The following SPG11 variants were observed in gnomAD, a reference collection of about 807,000 sequenced individuals.
SPG11 encodes the protein SPG11 vesicle trafficking associated, spatacsin.
A neutral mutation model predicts 274.0 loss-of-function variants in SPG11; 222 were observed. That is an observed-to-expected ratio of 0.81 (90% CI 0.73 to 0.91). The LOEUF is 0.91. SPG11 is among the 40% of genes least tolerant of loss of function. The pLI, the probability that SPG11 is intolerant of heterozygous loss-of-function variation, is 0.00. For missense variants in SPG11, 3,114 were observed against 2,872.7 expected, an observed-to-expected ratio of 1.08 and a Z score of -1.92; for synonymous variants, 1,144 against 1,039.7, an observed-to-expected ratio of 1.10 and a Z score of -1.93.
intron 4 of SPG11, among the ~76,000 whole-genome samples, chr15:44,656,189 G>T: frequency 6.6e-6 from 1 of 152,148 alleles, no homozygotes; most frequent in East Asian, 1.9e-4. Context: ...TGTAAAGAAT[G>T]GGCTCATGAA....
intron 7 of SPG11, among the ~76,000 whole-genome samples, chr15:44,642,273 G>T (rs2084472644): frequency 6.7e-6 from 1 of 149,722 alleles, no homozygotes; most frequent in Admixed American, 6.7e-5. Context: ...GCTGAGGCAG[G>T]AGAATCACTT....
At chr15:44,569,529 C>G in intron 34 of SPG11, 24 bp from the exon 35 acceptor site, 1 of 1,530,400 alleles carries the variant, frequency 6.5e-7, no homozygotes, top group Non-Finnish European at 8.9e-7. Context: ...GGACAGCTCG[C>G]ATCAGCATCA....
intron 1 of SPG11, among the ~76,000 whole-genome samples, chr15:44,660,844 G>T (rs2085084659): frequency 6.6e-6 from 1 of 152,090 alleles, no homozygotes; most frequent in Non-Finnish European, 1.5e-5. Flanking sequence ...AAACAAAAAT[G>T]TGGGGCTCAG....
chr15:44,631,804 T>G (rs981413487), intron 8 of SPG11, among the ~76,000 whole-genome samples: 1 of 115,080 alleles, frequency 8.7e-6, no homozygotes, highest in Non-Finnish European at 1.8e-5. Context: ...TGCACCCAGC[T>G]TTTTTTTTTT....
Position 44,611,030 on chromosome 15 carries a change from ACT to A in SPG11, c.3146-47_3146-46del, listed in dbSNP as rs771860105. 3 of 1,565,378 alleles carry A rather than the reference ACT, an allele frequency of 1.9e-6. No homozygotes were observed. The Admixed American group carries it at 5.0e-5, about 26-fold the overall frequency. ...GTTTTTCTCCTTAAGAGGGATAAATACTAAATTAAGGATTACATAAATGTGAG... is the reference window on the plus strand; with the variant it reads ...GTTTTTCTCCTTAAGAGGGATAAATAAAATTAAGGATTACATAAATGTGAG... On this transcript the variant is annotated intron_variant, in intron 17 of 39. Coordinates refer to ENST00000261866, the MANE Select transcript of SPG11 (RefSeq NM_025137.4).
At chr15:44,600,387 T>C in intron 21 of SPG11, 80 bp downstream of exon 21, 1 of 1,507,154 alleles carries the variant, frequency 6.6e-7, no homozygotes, top group South Asian at 1.1e-5. Flanking sequence ...TGGGCTCAAG[T>C]GATCCTCCTG....
At position 44,611,809 on chromosome 15, in the gene SPG11, CTTT is replaced by C. The variant is rs71111871; in HGVS notation, c.3146-827_3146-825del. Among the ~76,000 whole-genome samples, 896 of 119,480 alleles carry C rather than the reference CTTT, an allele frequency of 7.5e-3. 6 individuals are homozygous for C. Among genetic ancestry groups the C allele is most frequent in the African/African-American group, 0.026 (831 of 31,840 alleles). 78.4% of individuals were successfully genotyped at this position (119,480 alleles called of 152,430 possible). A position where few individuals can be genotyped will look rare whatever the true frequency, so the allele number is the denominator to read the frequency against. The stretch of plus-strand genomic sequence containing the variant: ...TGTAAACATTTAAAATGGTCACTGT[CTTT>C]TTTTTTTTTTTTTTTTGAGATGGAG... On this transcript the variant is annotated intron_variant, in intron 17 of 39. Coordinates refer to ENST00000261866, the MANE Select transcript of SPG11 (RefSeq NM_025137.4).
chr15:44,566,120 C>G (rs574537561), intron 37 of SPG11, 97 bp downstream of exon 37: 16 of 1,586,784 alleles, frequency 1.0e-5, no homozygotes, highest in East Asian at 2.2e-5. Flanking sequence ...CTATGATGCC[C>G]TCCCGCTTCA....
chr15:44,657,229 C>T lies in SPG11; in HGVS notation c.735G>A (p.Met245Ile), dbSNP rs1298899341. Residue 245 changes from methionine to isoleucine, a missense_variant, in exon 4 of 40, where the codon ATG becomes ATA. Physicochemically the swap from Met to Ile is conservative, Grantham distance 10. Coordinates refer to ENST00000261866, the MANE Select transcript of SPG11 (RefSeq NM_025137.4). ...CTGGCTCCTGTTGCTGCTCATTACA[C>T]ATGTCTTCTTTGTGAAGTGCTAAAT... The part of the protein sequence containing the change: ...HVDLALHKED[M>I]CNEQQQEPAK... 6.2e-7 allele frequency: 1 copy of T among 1,614,070 alleles called. No homozygotes were observed. Among genetic ancestry groups the T allele is most frequent in the Non-Finnish European group, 8.5e-7 (1 of 1,180,036 alleles).
chr15:44,637,469 T>C (rs58231277), intron 7 of SPG11, among the ~76,000 whole-genome samples: 50,752 of 151,966 alleles, frequency 0.33, 10,393 homozygotes, highest in Admixed American at 0.46. Flanking sequence ...TGAGCCACCA[T>C]ACCCGGCTAA....
At chr15:44,651,349 T>C in intron 6 of SPG11, 142 bp downstream of exon 6, 1 of 725,800 alleles carries the variant, frequency 1.4e-6, no homozygotes, top group Non-Finnish European at 2.3e-6. Context: ...GAGACACTAT[T>C]ACCAAGAATA....
chr15:44,646,505 C>T (rs1228163855), intron 7 of SPG11, among the ~76,000 whole-genome samples: 1 of 152,128 alleles, frequency 6.6e-6, no homozygotes, highest in African/African-American at 2.4e-5. Context: ...GGGGAAACTG[C>T]TCCCATGATG....
At chr15:44,638,204 G>C (rs946914520) in intron 7 of SPG11, among the ~76,000 whole-genome samples, 3 of 152,226 alleles carry the variant, frequency 2.0e-5, no homozygotes, top group Non-Finnish European at 4.4e-5. Flanking sequence ...GCTCACGCCT[G>C]TAATCCCAAC....
intron 27 of SPG11, among the ~76,000 whole-genome samples, chr15:44,591,453 C>A (rs1419675913): frequency 6.6e-6 from 1 of 151,992 alleles, no homozygotes; most frequent in African/African-American, 2.4e-5. Flanking sequence ...ACTTGTATAC[C>A]TAACTCTGTT....
In SPG11 at chr15:44,574,286, G is replaced by C. The variant is rs1224903428; in HGVS notation, c.6007-541C>G. Among the ~76,000 whole-genome samples, 3 of 152,242 alleles carry C rather than the reference G, an allele frequency of 2.0e-5. No individual in the cohort carries two copies. In the East Asian group the frequency reaches 5.8e-4, roughly 29 times the overall value. ...CCCGAATTGCTGGGATTATAGGCATGAGCCACCATGCCCAGCCTGATTTTT... is the reference window on the plus strand; with the variant it reads ...CCCGAATTGCTGGGATTATAGGCATCAGCCACCATGCCCAGCCTGATTTTT... On this transcript the variant is annotated intron_variant, in intron 31 of 39. Coordinates refer to ENST00000261866, the MANE Select transcript of SPG11 (RefSeq NM_025137.4).
At chr15:44,598,244 C>T in intron 23 of SPG11, 21 bp downstream of exon 23, 3 of 1,570,078 alleles carry the variant, frequency 1.9e-6, no homozygotes, top group Non-Finnish European at 2.6e-6. Flanking sequence ...AGAAAAGAGG[C>T]TGAGACTGCA....
intron 23 of SPG11, 83 bp downstream of exon 23, chr15:44,598,182 G>C: frequency 3.2e-6 from 3 of 933,578 alleles, no homozygotes; most frequent in Non-Finnish European, 5.3e-6. Flanking sequence ...GAAAACACCA[G>C]AGTTGTTCAA....
rs1824865813 is a variant in SPG11 at position 44,614,908 on chromosome 15, G to T, written c.3038+455C>A. Among the ~76,000 whole-genome samples, 9 of 152,266 alleles carry T rather than the reference G, an allele frequency of 5.9e-5. No homozygotes were observed. In the South Asian group the frequency reaches 1.9e-3, roughly 32 times the overall value. ...TTAGGCAGACAGATACTAATGTATT[G>T]CTCTCTCTTTCTCTGTGCGTGTGTG... On this transcript the variant is annotated intron_variant, in intron 16 of 39. Transcript: ENST00000261866.
At chr15:44,613,372 C>G in intron 17 of SPG11, 58 bp downstream of exon 17, 1 of 1,120,990 alleles carries the variant, frequency 8.9e-7, no homozygotes, top group South Asian at 1.2e-5. Context: ...TAATACCATT[C>G]AACAGACCAG....
Sources: gnomAD v4.1 joint callset for allele counts (sites outside exome capture counted in the v4.1 genomes callset) on GRCh38, gnomAD v4.1.1 for gene constraint, MANE v1.5 for transcripts, NCBI Gene and HGNC (gene_info 2026-07-23, HGNC 2026-07-21) for gene names.